Variants in CWC25 observed in about 807,000 individuals in gnomAD.
The protein encoded by CWC25 is pre-mRNA-splicing factor CWC25 homolog.
Under a neutral mutation model 54.6 loss-of-function variants are expected in CWC25, and 31 were observed. The ratio of observed to expected loss-of-function variants is 0.57; its 90% CI spans 0.43 to 0.77. The LOEUF is 0.77. CWC25 is among the 30% of genes least tolerant of loss of function. The pLI, the probability that CWC25 is intolerant of heterozygous loss-of-function variation, is 0.00. For synonymous variants in CWC25, 151 were observed against 187.0 expected (o/e 0.81, Z 1.57); for missense variants, 453 against 529.3 (o/e 0.86, Z 1.41).
At chr17:38,811,099 T>C (rs930824252) in intron 4 of CWC25, among the ~76,000 whole-genome samples, 1 of 148,728 alleles carries the variant, frequency 6.7e-6, no homozygotes, top group Admixed American at 6.8e-5. Context: ...GGTGTGGTGG[T>C]GTGTACCTGT....
At position 38,809,406 on chromosome 17, in the gene CWC25, T is replaced by C. The variant is rs182437335; in HGVS notation, c.690+296A>G. Among the ~76,000 whole-genome samples the C allele has an allele frequency of 3.6e-3, 515 of 142,302 alleles. 4 individuals are homozygous for C. Among genetic ancestry groups the C allele is most frequent in the African/African-American group, 0.013 (502 of 38,474 alleles). 93.4% of individuals were successfully genotyped at this position (142,302 alleles called of 152,430 possible). A position where few individuals can be genotyped will look rare whatever the true frequency, so the allele number is the denominator to read the frequency against. On this transcript the variant is annotated intron_variant, in intron 6 of 9. Coordinates refer to ENST00000614790, the MANE Select transcript of CWC25 (RefSeq NM_017748.5). ...TCGCGCCACTGCACTCCAGCCTGGGTGACAAGCGAGACTCCGTCTCAAAAA... is the reference window on the plus strand; with the variant it reads ...TCGCGCCACTGCACTCCAGCCTGGGCGACAAGCGAGACTCCGTCTCAAAAA...
At chr17:38,815,604 GGA>G in intron 2 of CWC25, 1 of 984,782 alleles carries the variant, frequency 1.0e-6, no homozygotes, top group Non-Finnish European at 1.4e-6. Flanking sequence ...ACGAGTGAAT[GGA>G]GAGAGAATAT....
At chr17:38,803,201 G>A (rs1293970477) in intron 8 of CWC25, among the ~76,000 whole-genome samples, 1 of 152,154 alleles carries the variant, frequency 6.6e-6, no homozygotes, top group African/African-American at 2.4e-5. Context: ...CAGAAGACTA[G>A]GTTATCCATG....
Position 38,801,634 on chromosome 17 carries a change from CTGACA to C in CWC25, c.*453_*457del, listed in dbSNP as rs1210379480. The stretch of plus-strand genomic sequence containing the variant: ...GTCACTCCCTTGGCTTTGACCTAAC[CTGACA>C]TCATTCTGTCACATTATCTTCTAAA... On this transcript the variant is annotated 3_prime_UTR_variant, in exon 10 of 10. Coordinates refer to ENST00000614790, the MANE Select transcript of CWC25 (RefSeq NM_017748.5). The C allele has an allele frequency of 4.6e-5, 7 of 153,372 alleles. No individual in the cohort carries two copies. The highest frequency in any genetic ancestry group is 8.7e-5 in the Non-Finnish European group (6 of 68,810). 9.5% of individuals were successfully genotyped at this position (153,372 alleles called of 1,614,324 possible).
rs371555510 is a variant in CWC25, at chr17:38,825,227, G to T, written c.-44C>A. Reference sequence around the variant, plus strand: ...TCACTACGCGGATCTGGAAGATTTCGGGAGGATCAAGAGAAAACGTAGAGA... The same window carrying T: ...TCACTACGCGGATCTGGAAGATTTCTGGAGGATCAAGAGAAAACGTAGAGA... On this transcript the variant is annotated 5_prime_UTR_variant, in exon 1 of 10. Transcript: ENST00000614790. 4.6e-5 allele frequency: 73 copies of T among 1,574,524 alleles called. No individual in the cohort carries two copies. Among genetic ancestry groups the T allele is most frequent in the Non-Finnish European group, 5.9e-5 (68 of 1,161,172 alleles).
chr17:38,802,307 G>A, intron 9 of CWC25, 101 bp from the exon 10 acceptor site: 1 of 744,590 alleles, frequency 1.3e-6, no homozygotes, highest in Non-Finnish European at 2.2e-6. Context: ...TAGAGCAGCT[G>A]TAAAAACACA....
rs758961298 is a variant in CWC25 at position 38,802,803 on chromosome 17, A to G, written c.1060T>C (p.Trp354Arg). 8.1e-6 allele frequency: 13 copies of G among 1,613,612 alleles called. No individual in the cohort carries two copies. In the East Asian group the frequency reaches 2.7e-4, roughly 33 times the overall value. ...ATGTTCAGTCTCTCCTCCTCCCTCC[A>G]TTTGGCGTTTTCCATCATCTCTTGC... Reference protein sequence around the residue: ...KRQEMMENAKWREEERLNILK... With the variant: ...KRQEMMENAKRREEERLNILK... Residue 354 changes from tryptophan (W) to arginine (R), a missense_variant, in exon 9 of 10, where the codon TGG (tryptophan) becomes CGG (arginine). Coordinates refer to ENST00000614790, the MANE Select transcript of CWC25 (RefSeq NM_017748.5).
intron 9 of CWC25, among the ~76,000 whole-genome samples, chr17:38,802,461 T>G (rs1051744234): frequency 6.6e-6 from 1 of 152,142 alleles, no homozygotes; most frequent in Non-Finnish European, 1.5e-5. Flanking sequence ...GGGCCATGAA[T>G]TCTTATTAAA....
chr17:38,812,362 C>T (rs769463112), intron 4 of CWC25, among the ~76,000 whole-genome samples: 3 of 152,078 alleles, frequency 2.0e-5, no homozygotes, highest in Non-Finnish European at 4.4e-5. Flanking sequence ...GTGCATTCTC[C>T]CACCCAAAAG....
chr17:38,802,205 G>T lies in CWC25; in HGVS notation c.1165C>A (p.Arg389Ser). ...LDSRDGKFIH[R>S]MKLESASTSS... is the part of the protein sequence containing the mutation. ...GTAGATGCACTCTCCAGCTTCATGC[G>T]GCTAGGAAGAGAAGACAGGCAAATG... is the stretch of plus-strand genomic sequence containing the variant. The change falls in exon 10 of 10, where the codon CGC (arginine) becomes AGC (serine). Residue 389 changes from arginine to serine, a missense_variant and splice_region_variant. By Grantham distance (110) the Arg-to-Ser change is moderately radical. Transcript: ENST00000614790. 5 of 1,606,540 alleles carry T rather than the reference G, an allele frequency of 3.1e-6. No individual in the cohort carries two copies. Among genetic ancestry groups the T allele is most frequent in the African/African-American group, 1.3e-5 (1 of 74,914 alleles).
Position 38,806,927 on chromosome 17 carries a change from T to G in CWC25, c.740A>C (p.Glu247Ala), listed in dbSNP as rs766330808. ...CTTCATCCCATGCCCTCTCTTTTGC[T>G]CTGCTGTCAGAGGACCCTGAAGACC... The part of the protein sequence containing the change: ...NQGLQGPLTA[E>A]QKRGHGMKNH... Residue 247 changes from glutamate to alanine, a missense_variant, in exon 7 of 10, where the codon GAG becomes GCG. Glu to Ala is a moderately radical substitution (Grantham distance 107). Around this residue, in one of 2 missense-constraint regions of CWC25, gnomAD observed 444 missense variants for 499.2 expected, o/e 0.89. Transcript: ENST00000614790. 7.4e-6 allele frequency: 12 copies of G among 1,613,824 alleles called. No homozygotes were observed. The highest frequency in any genetic ancestry group is 9.3e-6 in the Non-Finnish European group (11 of 1,179,892).
At chr17:38,821,912 G>A (rs987177824) in intron 1 of CWC25, among the ~76,000 whole-genome samples, 1 of 151,914 alleles carries the variant, frequency 6.6e-6, no homozygotes, top group African/African-American at 2.4e-5. Context: ...TGGACTATAG[G>A]CACGTGCCAC....
At chr17:38,809,157 G>A (rs1265063876) in intron 6 of CWC25, among the ~76,000 whole-genome samples, 2 of 151,788 alleles carry the variant, frequency 1.3e-5, no homozygotes, top group East Asian at 1.9e-4. Context: ...GCCAGGCACG[G>A]TGGCTCACAC....
At chr17:38,818,789 CGACA>C (rs1256863580) in intron 2 of CWC25, among the ~76,000 whole-genome samples, 1 of 151,932 alleles carries the variant, frequency 6.6e-6, no homozygotes, top group Non-Finnish European at 1.5e-5. Context: ...CCCCCATTCA[CGACA>C]GACAAGCAGG....
At chr17:38,809,814 G>C (rs769026276) in intron 5 of CWC25, 49 bp from the exon 6 acceptor site, 2 of 1,529,088 alleles carry the variant, frequency 1.3e-6, no homozygotes, top group Non-Finnish European at 1.8e-6. Context: ...ATATATATAG[G>C]TCCAATTTAA....
At chr17:38,824,957 CACTGTTCGCG>C (rs1344419774) in intron 1 of CWC25, among the ~76,000 whole-genome samples, 199 bp downstream of exon 1, 1 of 152,194 alleles carries the variant, frequency 6.6e-6, no homozygotes, top group Admixed American at 6.5e-5. Context: ...CACCACCTGT[CACTGTTCGCG>C]ACACACCTCG....
At chr17:38,802,297 T>C (rs1294650359) in intron 9 of CWC25, 91 bp from the exon 10 acceptor site, 6 of 838,236 alleles carry the variant, frequency 7.2e-6, no homozygotes, top group Admixed American at 4.6e-5. Flanking sequence ...TTGTTAGCCA[T>C]AGAGCAGCTG....
intron 3 of CWC25, among the ~76,000 whole-genome samples, chr17:38,813,863 G>A (rs964764322): frequency 6.6e-6 from 1 of 151,568 alleles, no homozygotes; most frequent in African/African-American, 2.4e-5. Flanking sequence ...TTTTTTTGTT[G>A]TTGTTGTTGT....
intron 2 of CWC25, among the ~76,000 whole-genome samples, 183 bp downstream of exon 2, chr17:38,820,718 A>G (rs1911887077): frequency 6.6e-6 from 1 of 152,152 alleles, no homozygotes. Flanking sequence ...GAAGTAACCA[A>G]GTCTCTCAAA....
Sources: gnomAD v4.1 joint callset for allele counts (sites outside exome capture counted in the v4.1 genomes callset) on GRCh38, gnomAD v4.1.1 for gene constraint, gnomAD v4.1.1 regional missense constraint, MANE v1.5 for transcripts, NCBI Gene and HGNC (gene_info 2026-07-23, HGNC 2026-07-21) for gene names.